Variants in RAPGEF2 observed in about 807,000 individuals in gnomAD.
The protein encoded by RAPGEF2 is PDZ domain containing guanine nucleotide exchange factor (GEF) 1.
RAPGEF2 carries 54 observed loss-of-function variants against 186.7 expected under a neutral mutation model. The observed-to-expected ratio is 0.29, with a 90% CI of 0.23 to 0.36. RAPGEF2 has a LOEUF of 0.36. Among genes scored for constraint, RAPGEF2 ranks in the 10% least tolerant of loss-of-function variants. RAPGEF2 has a pLI of 1.00. For synonymous variants in RAPGEF2, 712 were observed against 705.9 expected, an observed-to-expected ratio of 1.01 and a Z score of -0.14; for missense variants, 1,532 against 2,045.0, an observed-to-expected ratio of 0.75 and a Z score of 4.84.
intron 4 of RAPGEF2, among the ~76,000 whole-genome samples, chr4:159,218,419 C>A (rs1001155670): frequency 6.6e-6 from 1 of 152,152 alleles, no homozygotes; most frequent in Admixed American, 6.5e-5. Flanking sequence ...TTAAATGAGG[C>A]AATACGTAAG....
chr4:159,180,180 A>G (rs1397690378), intron 1 of RAPGEF2, among the ~76,000 whole-genome samples: 1 of 152,236 alleles, frequency 6.6e-6, no homozygotes, highest in Non-Finnish European at 1.5e-5. Context: ...GATCTGTGGT[A>G]ACTAATATTT....
At chr4:159,202,756 C>T (rs1007767095) in intron 3 of RAPGEF2, among the ~76,000 whole-genome samples, 1 of 152,120 alleles carries the variant, frequency 6.6e-6, no homozygotes, top group Non-Finnish European at 1.5e-5. Flanking sequence ...CACCCACCAC[C>T]ATGCCTGGCT....
rs1320405792 is a variant in RAPGEF2, at chr4:159,103,960, C to T, written c.-203C>T. 6.5e-6 allele frequency: 1 copy of T among 153,424 alleles called. No homozygotes were observed. Among genetic ancestry groups the T allele is most frequent in the Non-Finnish European group, 1.4e-5 (1 of 69,234 alleles). 9.5% of individuals were successfully genotyped at this position (153,424 alleles called of 1,614,324 possible). A position where few individuals can be genotyped will look rare whatever the true frequency, so the allele number is the denominator to read the frequency against. On this transcript the variant is annotated 5_prime_UTR_variant, in exon 1 of 30. Coordinates refer to ENST00000691494, the MANE Select transcript of RAPGEF2 (RefSeq NM_001394067.2). ...GCGACCCTCCCGGCTGCGTCCAGCC[C>T]CTCGCGCCTGTACCGCGCTCTCGGC...
intron 25 of RAPGEF2, among the ~76,000 whole-genome samples, chr4:159,348,961 A>C (rs943719867): frequency 1.3e-5 from 2 of 152,192 alleles, no homozygotes; most frequent in Non-Finnish European, 2.9e-5. Flanking sequence ...CATCTTTAAC[A>C]TTGGTGTCTT....
chr4:159,133,773 C>T (rs1341718091), intron 1 of RAPGEF2, among the ~76,000 whole-genome samples: 2 of 152,010 alleles, frequency 1.3e-5, no homozygotes, highest in African/African-American at 4.8e-5. Flanking sequence ...TTAGTAGAGA[C>T]GGGGTTTCAC....
At chr4:159,167,516 A>G (rs1454317517) in intron 1 of RAPGEF2, among the ~76,000 whole-genome samples, 1 of 152,242 alleles carries the variant, frequency 6.6e-6, no homozygotes, top group African/African-American at 2.4e-5. Context: ...GGGCCGGGAA[A>G]GACCCAAGGG....
chr4:159,222,859 T>G (rs1751667850), intron 4 of RAPGEF2, among the ~76,000 whole-genome samples: 1 of 152,112 alleles, frequency 6.6e-6, no homozygotes, highest in Non-Finnish European at 1.5e-5. Flanking sequence ...AATGTCATTA[T>G]TAAGATAAAA....
At position 159,337,082 on chromosome 4, in the gene RAPGEF2, A is replaced by G. The variant is rs573117578; in HGVS notation, c.2136-1229A>G. 7.9e-5 allele frequency among the ~76,000 whole-genome samples: 12 copies of G among 152,334 alleles called. No individual in the cohort carries two copies. The South Asian group carries it at 2.5e-3, about 32-fold the overall frequency. ...AAATCATGTTTCAAGAGTTCACAGTAACAGGCTTTTTATAAATGGAAATGA... is the reference window on the plus strand; with the variant it reads ...AAATCATGTTTCAAGAGTTCACAGTGACAGGCTTTTTATAAATGGAAATGA... On this transcript the variant is annotated intron_variant, in intron 17 of 29. Coordinates refer to ENST00000691494, the MANE Select transcript of RAPGEF2 (RefSeq NM_001394067.2).
At chr4:159,274,915 T>G (rs1758636229) in intron 7 of RAPGEF2, among the ~76,000 whole-genome samples, 1 of 152,212 alleles carries the variant, frequency 6.6e-6, no homozygotes, top group African/African-American at 2.4e-5. Context: ...CAATGGTCCC[T>G]GCCACTCACT....
Position 159,273,646 on chromosome 4 carries a change from CTTTCTT to C in RAPGEF2, c.543+29857_543+29862del, listed in dbSNP as rs1316387009. 3.7e-3 allele frequency among the ~76,000 whole-genome samples: 497 copies of C among 132,996 alleles called. 4 individuals are homozygous for C. Among genetic ancestry groups the C allele is most frequent in the African/African-American group, 0.014 (474 of 34,512 alleles). The allele number at this position is 132,996 out of a possible 152,430, so 87.3% of individuals were successfully genotyped here. The stretch of plus-strand genomic sequence containing the variant: ...AATCAGTTTCTTTCTTTCTTTCTTT[CTTTCTT>C]TCTTTCTTTCTTTCTTTCTTTCTTT... On this transcript the variant is annotated intron_variant, in intron 7 of 29. Coordinates refer to ENST00000691494, the MANE Select transcript of RAPGEF2 (RefSeq NM_001394067.2).
intron 1 of RAPGEF2, among the ~76,000 whole-genome samples, chr4:159,166,255 A>T (rs902766448): frequency 1.3e-5 from 2 of 152,106 alleles, no homozygotes; most frequent in African/African-American, 4.8e-5. Flanking sequence ...CGGAGGTTGC[A>T]GTGAGCCGAG....
chr4:159,256,296 A>G (rs1165137528), intron 7 of RAPGEF2, among the ~76,000 whole-genome samples: 1 of 152,104 alleles, frequency 6.6e-6, no homozygotes, highest in Non-Finnish European at 1.5e-5. Flanking sequence ...GAGAACATGC[A>G]GTGTTTAGTT....
At chr4:159,342,957 A>G (rs762837771) in intron 20 of RAPGEF2, 22 bp from the exon 21 acceptor site, 3 of 1,604,548 alleles carry the variant, frequency 1.9e-6, no homozygotes, top group South Asian at 1.1e-5. Context: ...TTGTTATACC[A>G]TGTTTCTTTT....
chr4:159,121,467 A>G (rs1739673977), intron 1 of RAPGEF2, among the ~76,000 whole-genome samples: 1 of 151,948 alleles, frequency 6.6e-6, no homozygotes, highest in Admixed American at 6.6e-5. Context: ...CTTGGACTCA[A>G]GCTCTCCTCC....
intron 8 of RAPGEF2, among the ~76,000 whole-genome samples, chr4:159,310,364 A>G (rs980797801): frequency 1.3e-5 from 2 of 152,164 alleles, no homozygotes; most frequent in South Asian, 4.1e-4. Context: ...TTAGGCATAT[A>G]TATGCTTTTA....
rs1766426508 is a variant in RAPGEF2, at chr4:159,329,969, C to G, written c.1261C>G (p.Leu421Val). ...EIVMVKEHRELDRTGTRKGHI... is the reference protein window; with the variant it reads ...EIVMVKEHREVDRTGTRKGHI... ...TGTTATGGTGAAAGAACACCGAGAA[C>G]TTGATCGAACTGGAACAAGAAAGGG... Residue 421 changes from leucine to valine, a missense_variant, in exon 12 of 30, where the codon CTT (leucine) becomes GTT (valine). By Grantham distance (32) the Leu-to-Val change is conservative (BLOSUM62 1). Transcript: ENST00000691494. 6.2e-7 allele frequency: 1 copy of G among 1,613,196 alleles called. No individual in the cohort carries two copies. The highest frequency in any genetic ancestry group is 1.3e-5 in the African/African-American group (1 of 74,802).
intron 7 of RAPGEF2, among the ~76,000 whole-genome samples, chr4:159,282,089 A>G (rs759601844): frequency 6.6e-6 from 1 of 152,182 alleles, no homozygotes; most frequent in African/African-American, 2.4e-5. Context: ...CAGGAATTAC[A>G]TATCTGGCAC....
Position 159,103,656 on chromosome 4 carries a change from G to A in RAPGEF2, c.-507G>A, listed in dbSNP as rs1326486182. On this transcript the variant is annotated 5_prime_UTR_variant, in exon 1 of 30. Transcript: ENST00000691494. ...CCAAGTGATTCTCGGAGACCCCTGGGCGGCGGCTGCGCAAGCCCCTGAGAG... is the reference window on the plus strand; with the variant it reads ...CCAAGTGATTCTCGGAGACCCCTGGACGGCGGCTGCGCAAGCCCCTGAGAG... 1 of 152,622 alleles carries A rather than the reference G, an allele frequency of 6.6e-6. No homozygotes were observed. Among genetic ancestry groups the A allele is most frequent in the Non-Finnish European group, 1.5e-5 (1 of 68,428 alleles). The allele number at this position is 152,622 out of a possible 1,614,324, so 9.5% of individuals were successfully genotyped here.
chr4:159,348,386 G>C (rs2111307547), intron 25 of RAPGEF2, among the ~76,000 whole-genome samples: 1 of 152,232 alleles, frequency 6.6e-6, no homozygotes, highest in East Asian at 1.9e-4. Context: ...CATCTGTATG[G>C]CTTGGGTGAG....
Sources: gnomAD v4.1 joint callset for allele counts (sites outside exome capture counted in the v4.1 genomes callset) on GRCh38, gnomAD v4.1.1 for gene constraint, MANE v1.5 for transcripts, NCBI Gene and HGNC (gene_info 2026-07-23, HGNC 2026-07-21) for gene names.